Variants in ARHGAP15 observed in about 807,000 individuals in gnomAD.
The protein encoded by ARHGAP15 is Rho GTPase activating protein 15, also known as rho GTPase-activating protein 15.
A neutral mutation model predicts 63.7 loss-of-function variants in ARHGAP15; 51 were observed. The ratio of observed to expected loss-of-function variants is 0.80; its 90% CI spans 0.64 to 1.01. The LOEUF (loss-of-function observed/expected upper bound fraction) is 1.01. ARHGAP15 is among the 50% of genes least tolerant of loss of function. The pLI, the probability that ARHGAP15 is intolerant of heterozygous loss-of-function variation, is 0.00. For synonymous variants in ARHGAP15, 191 were observed against 193.8 expected (o/e 0.99, Z 0.12); for missense variants, 560 against 564.6 (o/e 0.99, Z 0.08).
chr2:143,296,196 C>T (rs760117602), intron 6 of ARHGAP15, among the ~76,000 whole-genome samples: 4 of 151,984 alleles, frequency 2.6e-5, no homozygotes, highest in Non-Finnish European at 5.9e-5. Context: ...TGAGGAGCCA[C>T]CTCTGACTAC....
At chr2:143,349,363 G>A (rs1325269263) in intron 6 of ARHGAP15, among the ~76,000 whole-genome samples, 1 of 152,296 alleles carries the variant, frequency 6.6e-6, no homozygotes, top group South Asian at 2.1e-4. Context: ...TTCAGTTCCT[G>A]TCTTTTCCTC....
chr2:143,610,512 T>C (rs1574705829), intron 11 of ARHGAP15, among the ~76,000 whole-genome samples: 1 of 152,328 alleles, frequency 6.6e-6, no homozygotes, highest in East Asian at 1.9e-4. Flanking sequence ...AACAATCCAC[T>C]TGTTTATTTA....
intron 9 of ARHGAP15, among the ~76,000 whole-genome samples, chr2:143,491,213 G>A (rs943071016): frequency 6.6e-6 from 1 of 152,134 alleles, no homozygotes; most frequent in Middle Eastern, 3.2e-3. Context: ...TAAATTATAG[G>A]CAAAAGCGTC....
chr2:143,398,502 T>A (rs1707386568), intron 6 of ARHGAP15, among the ~76,000 whole-genome samples: 1 of 152,070 alleles, frequency 6.6e-6, no homozygotes, highest in African/African-American at 2.4e-5. Context: ...CATAATGCTG[T>A]ATATGATTGA....
intron 11 of ARHGAP15, among the ~76,000 whole-genome samples, chr2:143,590,026 A>G (rs374699698): frequency 6.6e-6 from 1 of 152,166 alleles, no homozygotes; most frequent in East Asian, 1.9e-4. Flanking sequence ...ATATCAGTGA[A>G]GATAGTAAGG....
chr2:143,222,855 C>T (rs931944060), intron 4 of ARHGAP15, among the ~76,000 whole-genome samples: 21 of 152,142 alleles, frequency 1.4e-4, no homozygotes, highest in Admixed American at 3.9e-4. Context: ...ATAAATGGTA[C>T]ATAAATGCCC....
chr2:143,184,027 C>T (rs1176646992), intron 2 of ARHGAP15, among the ~76,000 whole-genome samples: 2 of 152,104 alleles, frequency 1.3e-5, no homozygotes, highest in African/African-American at 2.4e-5. Context: ...CGCCCAAGTC[C>T]CAGGAAGAAA....
At chr2:143,356,039 T>C (rs1459298916) in intron 6 of ARHGAP15, among the ~76,000 whole-genome samples, 1 of 151,812 alleles carries the variant, frequency 6.6e-6, no homozygotes, top group East Asian at 1.9e-4. Flanking sequence ...AGGTACTGCA[T>C]CTTCATCTTA....
chr2:143,718,282 T>C (rs753140605), intron 13 of ARHGAP15, among the ~76,000 whole-genome samples: 22 of 152,114 alleles, frequency 1.4e-4, no homozygotes, highest in Non-Finnish European at 2.8e-4. Context: ...AAGCAGTACA[T>C]AACTAGAACC....
intron 6 of ARHGAP15, among the ~76,000 whole-genome samples, chr2:143,370,692 G>A (rs1448347574): frequency 1.3e-5 from 2 of 152,224 alleles, no homozygotes; most frequent in East Asian, 3.9e-4. Context: ...ACTCTGACAA[G>A]CATCTACCAA....
At chr2:143,168,548 A>C (rs147555256) in intron 2 of ARHGAP15, among the ~76,000 whole-genome samples, 3 of 152,148 alleles carry the variant, frequency 2.0e-5, no homozygotes, top group African/African-American at 7.2e-5. Context: ...AAGTAACACT[A>C]AAAAGTAACC....
intron 13 of ARHGAP15, among the ~76,000 whole-genome samples, chr2:143,713,115 A>G (rs1383098698): frequency 6.6e-6 from 1 of 152,200 alleles, no homozygotes; most frequent in Non-Finnish European, 1.5e-5. Flanking sequence ...GTATTAGTCC[A>G]TTTTCATGCT....
chr2:143,419,902 G>T (rs185908697), intron 6 of ARHGAP15, among the ~76,000 whole-genome samples: 2 of 151,994 alleles, frequency 1.3e-5, no homozygotes, highest in African/African-American at 4.8e-5. Flanking sequence ...CATTGAAAAT[G>T]TATAGAAAAA....
chr2:143,392,427 A>AT (rs1287625040), intron 6 of ARHGAP15, among the ~76,000 whole-genome samples: 6 of 152,176 alleles, frequency 3.9e-5, no homozygotes, highest in African/African-American at 1.4e-4. Context: ...TATGTCATCT[A>AT]TTTTTTCAAC....
intron 11 of ARHGAP15, among the ~76,000 whole-genome samples, chr2:143,563,585 T>C (rs1029652439): frequency 6.6e-6 from 1 of 152,218 alleles, no homozygotes; most frequent in African/African-American, 2.4e-5. Context: ...AAAGTATTAA[T>C]TCGGTTGTAG....
chr2:143,148,054 T>A (rs562625791), intron 1 of ARHGAP15, among the ~76,000 whole-genome samples: 31 of 152,066 alleles, frequency 2.0e-4, no homozygotes, highest in Non-Finnish European at 4.3e-4. Context: ...ATAACCAGGT[T>A]CTCCTAAGGC....
intron 12 of ARHGAP15, among the ~76,000 whole-genome samples, chr2:143,647,362 A>T (rs1344585390): frequency 2.1e-4 from 18 of 87,034 alleles, no homozygotes; most frequent in African/African-American, 6.1e-4. Flanking sequence ...AAGTAGTTAA[A>T]AAAAAAAAAA....
chr2:143,197,300 T>C (rs1172432184), intron 2 of ARHGAP15, among the ~76,000 whole-genome samples: 4 of 151,978 alleles, frequency 2.6e-5, no homozygotes, highest in Non-Finnish European at 4.4e-5. Context: ...CATAAGGACA[T>C]CTAATGTTTT....
chr2:143,482,259 T>TG (rs1041065777), intron 8 of ARHGAP15, among the ~76,000 whole-genome samples: 4 of 151,296 alleles, frequency 2.6e-5, no homozygotes, highest in Non-Finnish European at 4.4e-5. Context: ...AAAGTGGGAA[T>TG]GGAAAAAAAA....
Sources: gnomAD v4.1 joint callset for allele counts (sites outside exome capture counted in the v4.1 genomes callset) on GRCh38, gnomAD v4.1.1 for gene constraint, MANE v1.5 for transcripts, NCBI Gene and HGNC (gene_info 2026-07-23, HGNC 2026-07-21) for gene names.